SYNPR: variants seen among roughly 807,000 people sequenced by gnomAD.
The protein encoded by SYNPR is synaptoporin.
A neutral mutation model predicts 32.9 loss-of-function variants in SYNPR; 23 were observed. The ratio of observed to expected loss-of-function variants is 0.70; its 90% CI spans 0.50 to 0.99. SYNPR has a LOEUF of 0.99. Ranked by LOEUF, SYNPR falls within the 50% of genes least tolerant of loss-of-function variation. SYNPR has a pLI of 0.00. For synonymous variants in SYNPR, 146 were observed against 135.9 expected (o/e 1.07, Z -0.52); for missense variants, 318 against 349.3 (o/e 0.91, Z 0.71).
At chr3:63,425,967 A>C (rs1699885857) in intron 2 of SYNPR, among the ~76,000 whole-genome samples, 1 of 151,740 alleles carries the variant, frequency 6.6e-6, no homozygotes, top group African/African-American at 2.4e-5. Flanking sequence ...TTGCATTTTT[A>C]GTAGAAATGG....
intron 2 of SYNPR, chr3:63,452,221 G>C: frequency 1.8e-6 from 1 of 570,388 alleles, no homozygotes; most frequent in Non-Finnish European, 3.2e-6. Flanking sequence ...GTTAAGATTT[G>C]GGATACGGAG....
At chr3:63,501,485 TC>T (rs1553641680) in intron 3 of SYNPR, among the ~76,000 whole-genome samples, 1 of 83,836 alleles carries the variant, frequency 1.2e-5, no homozygotes, top group Non-Finnish European at 2.2e-5. Context: ...TCCCCCACCC[TC>T]CCCCAACCAA....
intron 2 of SYNPR, among the ~76,000 whole-genome samples, chr3:63,310,529 T>G (rs531372728): frequency 8.5e-5 from 13 of 152,186 alleles, no homozygotes; most frequent in African/African-American, 3.1e-4. Context: ...CTGTGTAGCT[T>G]CCTATTTCAT....
In SYNPR at chr3:63,535,028, G is replaced by C. The variant is rs1442396092; in HGVS notation, c.210-21515G>C. Among the ~76,000 whole-genome samples the C allele has an allele frequency of 3.3e-5, 5 of 152,120 alleles. No homozygotes were observed. The East Asian group carries it at 7.7e-4, about 23-fold the overall frequency. ...CCAATCATATCAGAACCCAATGAGA[G>C]TAGTTACTGTCAGTATTAGGAAACT... On this transcript the variant is annotated intron_variant, in intron 3 of 5. Transcript: ENST00000478300.
intron 4 of SYNPR, among the ~76,000 whole-genome samples, chr3:63,587,318 A>G (rs1703204441): frequency 6.6e-6 from 1 of 152,116 alleles, no homozygotes; most frequent in Non-Finnish European, 1.5e-5. Flanking sequence ...CGACCCTGTA[A>G]GGGAAGTACT....
chr3:63,589,169 T>A (rs1703258752), intron 4 of SYNPR, among the ~76,000 whole-genome samples: 1 of 152,090 alleles, frequency 6.6e-6, no homozygotes, highest in Admixed American at 6.6e-5. Context: ...TGAGACTGCT[T>A]TGAGAACCAT....
At chr3:63,257,132 T>G (rs1199791591) in intron 2 of SYNPR, among the ~76,000 whole-genome samples, 2 of 152,074 alleles carry the variant, frequency 1.3e-5, no homozygotes, top group African/African-American at 4.8e-5. Context: ...TGGAACCAAG[T>G]TAAAACACTC....
chr3:63,390,700 A>AT (rs907339251), intron 2 of SYNPR, among the ~76,000 whole-genome samples: 55 of 152,002 alleles, frequency 3.6e-4, no homozygotes, highest in Non-Finnish European at 5.9e-5. Flanking sequence ...CTAACCGATT[A>AT]TTTTTTTTAA....
At chr3:63,471,439 G>C (rs963538356) in intron 2 of SYNPR, among the ~76,000 whole-genome samples, 4 of 152,144 alleles carry the variant, frequency 2.6e-5, no homozygotes, top group Admixed American at 2.6e-4. Context: ...ACCCATAGCA[G>C]TAACCATAAA....
chr3:63,205,263 G>T, the SYNPR span, among the ~76,000 whole-genome samples: 1 of 152,120 alleles, frequency 6.6e-6, no homozygotes, highest in African/African-American at 2.4e-5. Flanking sequence ...ACCTGGGAAA[G>T]CTTAATGAAA....
chr3:63,250,691 A>G (rs1005138492), intron 1 of SYNPR, among the ~76,000 whole-genome samples: 5 of 152,210 alleles, frequency 3.3e-5, no homozygotes, highest in African/African-American at 1.2e-4. Context: ...TTTAAAGATG[A>G]GGAAAATGAG....
intron 2 of SYNPR, among the ~76,000 whole-genome samples, chr3:63,387,160 AC>A (rs2088056945): frequency 6.6e-6 from 1 of 152,110 alleles, no homozygotes; most frequent in Non-Finnish European, 1.5e-5. Flanking sequence ...CGCCACAACA[AC>A]CCCATAAGAG....
intron 3 of SYNPR, among the ~76,000 whole-genome samples, chr3:63,541,907 G>A (rs1040897873): frequency 6.6e-6 from 1 of 152,086 alleles, no homozygotes; most frequent in Non-Finnish European, 1.5e-5. Context: ...AAAAATAGAG[G>A]CACGAGGTAG....
chr3:63,313,509 A>G (rs942207374), intron 2 of SYNPR, among the ~76,000 whole-genome samples: 2 of 150,532 alleles, frequency 1.3e-5, no homozygotes, highest in Non-Finnish European at 3.0e-5. Flanking sequence ...TAAGTCTCCA[A>G]TCTCATCCAG....
chr3:63,494,048 T>G (rs1701309319), intron 3 of SYNPR, among the ~76,000 whole-genome samples: 1 of 151,984 alleles, frequency 6.6e-6, no homozygotes, highest in Non-Finnish European at 1.5e-5. Flanking sequence ...AATTTGGGAT[T>G]ACACTTTGAT....
At chr3:63,231,266 G>C (rs1470937475) in intron 1 of SYNPR, among the ~76,000 whole-genome samples, 3 of 152,124 alleles carry the variant, frequency 2.0e-5, no homozygotes, top group Admixed American at 2.0e-4. Context: ...ACTTATAAGT[G>C]GGAGCTAAGC....
intron 2 of SYNPR, among the ~76,000 whole-genome samples, chr3:63,368,283 C>A: frequency 6.6e-6 from 1 of 152,172 alleles, no homozygotes; most frequent in East Asian, 1.9e-4. Flanking sequence ...TTGGATAATA[C>A]ATTAATGAGT....
intron 4 of SYNPR, among the ~76,000 whole-genome samples, chr3:63,602,301 T>C (rs1181642149): frequency 1.4e-5 from 2 of 144,278 alleles, no homozygotes; most frequent in Non-Finnish European, 3.0e-5. Flanking sequence ...AAGTTTTCTG[T>C]TTACTCTGTT....
intron 2 of SYNPR, among the ~76,000 whole-genome samples, chr3:63,279,301 G>A (rs1395557438): frequency 6.6e-6 from 1 of 152,212 alleles, no homozygotes. Flanking sequence ...ATAAACGGCG[G>A]CGGGTAGAGA....
Sources: gnomAD v4.1 joint callset for allele counts (sites outside exome capture counted in the v4.1 genomes callset) on GRCh38, gnomAD v4.1.1 for gene constraint, MANE v1.5 for transcripts, NCBI Gene and HGNC (gene_info 2026-07-23, HGNC 2026-07-21) for gene names.